ZDHHC11B: variants seen among roughly 807,000 people sequenced by gnomAD.
The protein encoded by ZDHHC11B is zDHHC palmitoyltransferase 11B (putative), also known as probable palmitoyltransferase ZDHHC11B.
In ZDHHC11B, 17 loss-of-function variants were observed where a neutral mutation model predicts 42.3. The observed-to-expected ratio is 0.40, with a 90% CI of 0.27 to 0.60. The LOEUF is 0.60. Ranked by LOEUF, ZDHHC11B falls within the 20% of genes least tolerant of loss-of-function variation. The pLI, the probability that ZDHHC11B is intolerant of heterozygous loss-of-function variation, is 0.41. For synonymous variants in ZDHHC11B, 123 were observed against 193.5 expected (o/e 0.64, Z 3.02); for missense variants, 262 against 463.2 (o/e 0.57, Z 3.99).
chr5:721,014 G>C (rs1328090481), intron 12 of ZDHHC11B, among the ~76,000 whole-genome samples: 1 of 151,760 alleles, frequency 6.6e-6, no homozygotes, highest in Non-Finnish European at 1.5e-5. Context: ...GGAAGGTTGA[G>C]GTGGAAAGAT....
rs752320317 is a variant in ZDHHC11B, at chr5:766,715, TC to T, written c.204del (p.Trp68Ter). The stretch of plus-strand genomic sequence containing the variant: ...AAGGATACCACATAGGCGATGTATT[TC>T]CACGAGTGAGGCAGGAGGGGAATGA... ...RIFIPLLPHS[W>X]KYIAYVVTGG... On this transcript the variant is annotated frameshift_variant, in exon 4 of 14. Transcript: ENST00000508859. LOFTEE classifies it high-confidence loss of function. 1.2e-6 allele frequency: 2 copies of T among 1,610,360 alleles called. No individual in the cohort carries two copies. The highest frequency in any genetic ancestry group is 1.7e-6 in the Non-Finnish European group (2 of 1,178,072).
At chr5:717,929 G>C (rs1384296386) in intron 12 of ZDHHC11B, among the ~76,000 whole-genome samples, 2 of 151,776 alleles carry the variant, frequency 1.3e-5, no homozygotes, top group Non-Finnish European at 2.9e-5. Flanking sequence ...GGGAGGGTCT[G>C]CCACCAGATT....
chr5:733,857 A>G lies in ZDHHC11B; in HGVS notation c.936-18T>C, dbSNP rs1743280963. On this transcript the variant is annotated intron_variant, in intron 10 of 13. Coordinates refer to ENST00000508859, the MANE Select transcript of ZDHHC11B (RefSeq NM_001351303.2). The stretch of plus-strand genomic sequence containing the variant: ...CCTTGACTCTGGTGGGACAGGAAGG[A>G]GGAGAGAAACTCATCTCAGCTTTGT... The G allele has an allele frequency of 6.3e-7, 1 of 1,598,430 alleles. No individual in the cohort carries two copies. Among genetic ancestry groups the G allele is most frequent in the Non-Finnish European group, 8.5e-7 (1 of 1,172,438 alleles).
At chr5:775,116 C>T (rs1329642603) in intron 1 of ZDHHC11B, among the ~76,000 whole-genome samples, 1 of 151,974 alleles carries the variant, frequency 6.6e-6, no homozygotes, top group East Asian at 1.9e-4. Context: ...GCCCTCGGCC[C>T]TGCTCAGGCT....
chr5:767,455 G>A lies in ZDHHC11B; in HGVS notation c.-64C>T, dbSNP rs1473192009. The A allele has an allele frequency of 3.6e-5, 57 of 1,575,406 alleles. 2 individuals carry two copies. The East Asian group carries it at 7.6e-4, about 21-fold the overall frequency. ...TGAGTAGAGCAGCTCCAACTCGTCC[G>A]ACTTCAAGTCGCCAAATGCTGAATT... On this transcript the variant is annotated 5_prime_UTR_variant, in exon 3 of 14. Coordinates refer to ENST00000508859, the MANE Select transcript of ZDHHC11B (RefSeq NM_001351303.2).
intron 1 of ZDHHC11B, among the ~76,000 whole-genome samples, chr5:773,078 G>A (rs1159411460): frequency 6.6e-6 from 1 of 151,900 alleles, no homozygotes; most frequent in Non-Finnish European, 1.5e-5. Context: ...TGCACTGTCT[G>A]GATCGCTTCA....
At chr5:728,285 T>A (rs1183539201) in intron 12 of ZDHHC11B, among the ~76,000 whole-genome samples, 2 of 151,960 alleles carry the variant, frequency 1.3e-5, no homozygotes, top group Admixed American at 1.3e-4. Flanking sequence ...TGAAGGAAAT[T>A]TGCATTGTTT....
At chr5:776,514 C>T (rs1046246842) in intron 1 of ZDHHC11B, among the ~76,000 whole-genome samples, 1 of 151,930 alleles carries the variant, frequency 6.6e-6, no homozygotes, top group Non-Finnish European at 1.5e-5. Context: ...AAGGCGCCTG[C>T]TGGGCCCACG....
chr5:729,415 G>A (rs1454479090), intron 12 of ZDHHC11B, among the ~76,000 whole-genome samples: 8 of 150,614 alleles, frequency 5.3e-5, no homozygotes, highest in African/African-American at 7.3e-5. Flanking sequence ...AGGCTGGGGC[G>A]GGGGCTTCCC....
intron 1 of ZDHHC11B, among the ~76,000 whole-genome samples, chr5:778,699 G>A (rs1736740308): frequency 6.6e-6 from 1 of 152,018 alleles, no homozygotes; most frequent in African/African-American, 2.4e-5. Context: ...TTGGAGAAAG[G>A]ATCTGGAAAT....
chr5:751,450 C>A lies in ZDHHC11B; in HGVS notation c.504-193G>T, dbSNP rs1745697712. Among the ~76,000 whole-genome samples the A allele has an allele frequency of 8.5e-5, 2 of 23,438 alleles. 1 individual carries two copies. Among genetic ancestry groups the A allele is most frequent in the Non-Finnish European group, 1.9e-4 (2 of 10,756 alleles). 15.4% of individuals were successfully genotyped at this position (23,438 alleles called of 152,430 possible). A position where few individuals can be genotyped will look rare whatever the true frequency, so the allele number is the denominator to read the frequency against. ...GGGGGCGGGGAGGCAGGGGCAGGGACACGCAGGGCATCTGAGGCAGGGGCG... is the reference window on the plus strand; with the variant it reads ...GGGGGCGGGGAGGCAGGGGCAGGGAAACGCAGGGCATCTGAGGCAGGGGCG... On this transcript the variant is annotated intron_variant, in intron 6 of 13. Coordinates refer to ENST00000508859, the MANE Select transcript of ZDHHC11B (RefSeq NM_001351303.2).
chr5:779,715 CT>C (rs1476667745), intron 1 of ZDHHC11B, among the ~76,000 whole-genome samples: 1 of 151,796 alleles, frequency 6.6e-6, no homozygotes, highest in East Asian at 1.9e-4. Context: ...TTCTGATGTT[CT>C]TGGCGTGGGG....
At chr5:769,568 T>C (rs1233492387) in intron 1 of ZDHHC11B, among the ~76,000 whole-genome samples, 3 of 151,916 alleles carry the variant, frequency 2.0e-5, no homozygotes, top group Non-Finnish European at 4.4e-5. Flanking sequence ...AGCAGGAATC[T>C]AGAGGCAACC....
intron 12 of ZDHHC11B, among the ~76,000 whole-genome samples, chr5:717,343 G>C (rs1741829031): frequency 6.6e-6 from 1 of 151,738 alleles, no homozygotes; most frequent in East Asian, 1.9e-4. Context: ...CACTAGCCCA[G>C]CCAGCCAATG....
chr5:777,049 T>C (rs952577383), intron 1 of ZDHHC11B, among the ~76,000 whole-genome samples: 3 of 151,822 alleles, frequency 2.0e-5, no homozygotes, highest in Non-Finnish European at 4.4e-5. Flanking sequence ...ATTGGTGGGT[T>C]ATTGGTCTCG....
At chr5:723,688 G>A (rs1474469239) in intron 12 of ZDHHC11B, among the ~76,000 whole-genome samples, 2 of 110,166 alleles carry the variant, frequency 1.8e-5, no homozygotes, top group African/African-American at 6.1e-5. Flanking sequence ...GTCCCCATCA[G>A]ACTCTCAGTG....
At chr5:715,402 G>A (rs1188596659) in intron 13 of ZDHHC11B, among the ~76,000 whole-genome samples, 2 of 151,332 alleles carry the variant, frequency 1.3e-5, no homozygotes, top group Non-Finnish European at 2.9e-5. Context: ...AGACTCAGGT[G>A]CTGTTCTGTA....
At chr5:772,997 AGGC>A (rs1736180733) in intron 1 of ZDHHC11B, among the ~76,000 whole-genome samples, 1 of 151,978 alleles carries the variant, frequency 6.6e-6, no homozygotes, top group Non-Finnish European at 1.5e-5. Flanking sequence ...GAAGACAGCC[AGGC>A]TGCTGCTGGG....
chr5:771,080 C>T (rs1441684519), intron 1 of ZDHHC11B, among the ~76,000 whole-genome samples: 4 of 151,918 alleles, frequency 2.6e-5, no homozygotes, highest in Non-Finnish European at 4.4e-5. Flanking sequence ...CAGCACTGCA[C>T]TGAGAGCTGA....
Sources: allele counts gnomAD v4.1 joint callset (sites outside exome capture counted in the v4.1 genomes callset), GRCh38; gene constraint gnomAD v4.1.1; transcripts MANE v1.5; gene names NCBI Gene and HGNC (gene_info 2026-07-23, HGNC 2026-07-21).